The following SAMD4B variants were observed in gnomAD, a reference collection of about 807,000 sequenced individuals.
SAMD4B encodes sterile alpha motif domain containing 4B, also known as protein Smaug homolog 2.
Under a neutral mutation model 74.5 loss-of-function variants are expected in SAMD4B, and 5 were observed. That is an observed-to-expected ratio of 0.07 (90% CI 0.04 to 0.14). The LOEUF is 0.14. Ranked by LOEUF, SAMD4B falls within the 10% of genes least tolerant of loss-of-function variation. SAMD4B has a pLI of 1.00. For missense variants in SAMD4B, 608 were observed against 921.8 expected (o/e 0.66, Z 4.41); for synonymous variants, 373 against 374.9 (o/e 1.00, Z 0.06).
At chr19:39,359,575 C>T (rs1228704287) in intron 3 of SAMD4B, among the ~76,000 whole-genome samples, 1 of 152,198 alleles carries the variant, frequency 6.6e-6, no homozygotes, top group Non-Finnish European at 1.5e-5. Context: ...GTATTCAGCA[C>T]ATACGTCTGT....
At chr19:39,352,668 G>C (rs1350721196) in intron 1 of SAMD4B, among the ~76,000 whole-genome samples, 1 of 151,774 alleles carries the variant, frequency 6.6e-6, no homozygotes, top group Non-Finnish European at 1.5e-5. Flanking sequence ...CATCATGTTT[G>C]AGACCCTATT....
chr19:39,390,198 G>A (rs775582678), downstream of SAMD4B: 14 of 1,611,228 alleles, frequency 8.7e-6, no homozygotes, highest in East Asian at 8.9e-5. Context: ...GGCCCCCGCT[G>A]CCCCACCTCT....
chr19:39,363,152 C>T (rs2076752330), intron 3 of SAMD4B, among the ~76,000 whole-genome samples: 1 of 152,098 alleles, frequency 6.6e-6, no homozygotes, highest in Admixed American at 6.5e-5. Flanking sequence ...TTTGCCAGGA[C>T]CCAGGGTCAT....
chr19:39,365,209 G>A (rs561206336), intron 3 of SAMD4B, among the ~76,000 whole-genome samples: 9 of 142,656 alleles, frequency 6.3e-5, no homozygotes, highest in Non-Finnish European at 1.3e-4. Flanking sequence ...TCGTGCCACC[G>A]CACTCCAGCC....
At chr19:39,361,565 G>A (rs776666662) in intron 3 of SAMD4B, among the ~76,000 whole-genome samples, 2 of 147,220 alleles carry the variant, frequency 1.4e-5, no homozygotes. Context: ...GCAGTGAGCC[G>A]AGATTGCGCC....
downstream of SAMD4B, chr19:39,388,966 G>A: frequency 6.2e-7 from 1 of 1,614,128 alleles, no homozygotes; most frequent in Non-Finnish European, 8.5e-7. Flanking sequence ...TGGGAAGACA[G>A]GCATGACCTC....
At chr19:39,389,442 C>G (rs10422634), downstream of SAMD4B, 382 of 1,611,610 alleles carry the variant, frequency 2.4e-4, 1 homozygote, top group African/African-American at 4.3e-3. This position sits in a 1 kb window ranked among gnomAD's most constrained non-coding sequence, Gnocchi z 5.3. Flanking sequence ...TAGGGCCCAC[C>G]TGAGCCAGTC....
intron 12 of SAMD4B, among the ~76,000 whole-genome samples, chr19:39,382,374 A>G (rs2078047116): frequency 6.6e-6 from 1 of 152,186 alleles, no homozygotes; most frequent in Non-Finnish European, 1.5e-5. Context: ...CTGTATGTGT[A>G]AGGACGCTGA....
intron 1 of SAMD4B, among the ~76,000 whole-genome samples, chr19:39,343,131 C>T (rs1010583869): frequency 6.6e-6 from 1 of 151,928 alleles, no homozygotes; most frequent in Non-Finnish European, 1.5e-5. Context: ...CTCACGAGCC[C>T]TGCACACCTC....
At chr19:39,369,431 T>C in intron 3 of SAMD4B, 1 of 559,470 alleles carries the variant, frequency 1.8e-6, no homozygotes, top group Non-Finnish European at 3.2e-6. Flanking sequence ...CTGGGCAACA[T>C]AGTGAGACCC....
rs2077735099 is a variant in SAMD4B, at chr19:39,378,444, T to C, written c.1445-60T>C. 6.0e-6 allele frequency: 9 copies of C among 1,496,588 alleles called. No homozygotes were observed. Among genetic ancestry groups the C allele is most frequent in the Non-Finnish European group, 8.4e-6 (9 of 1,075,820 alleles). 92.7% of individuals were successfully genotyped at this position (1,496,588 alleles called of 1,614,324 possible). ...TCTTGTGCACGAGCCAGCTGGAGGC[T>C]GGAACATGGCAGAGGGCATACTAGG... On this transcript the variant is annotated intron_variant, in intron 8 of 13. Transcript: ENST00000610417. The surrounding 1 kb of genome is among the most constrained non-coding windows in gnomAD (Gnocchi z 4.4).
rs1181620599 is a variant in SAMD4B at position 39,383,232 on chromosome 19, T to G, written c.1997T>G (p.Leu666Arg). The change falls in exon 13 of 14, where the codon CTG (leucine) becomes CGG (arginine). Residue 666 changes from leucine to arginine, a missense_variant. Leu to Arg is a moderately radical substitution (Grantham distance 102). Transcript: ENST00000610417. This position sits in a 1 kb window ranked among gnomAD's most constrained non-coding sequence, Gnocchi z 4.1. Reference sequence around the variant, plus strand: ...GACTGCCCGGTTCCTGGGCCTGACCTGGAGATCAATCCCACTCTGGAGTCT... The same window carrying G: ...GACTGCCCGGTTCCTGGGCCTGACCGGGAGATCAATCCCACTCTGGAGTCT... ...PPDCPVPGPDLEINPTLESLC... is the reference protein window; with the variant it reads ...PPDCPVPGPDREINPTLESLC... 1.4e-5 allele frequency: 22 copies of G among 1,613,948 alleles called. No homozygotes were observed. The highest frequency in any genetic ancestry group is 1.8e-5 in the Non-Finnish European group (21 of 1,179,956).
rs2077735367 is a variant in SAMD4B, at chr19:39,378,445, G to A, written c.1445-59G>A. The A allele has an allele frequency of 1.3e-6, 2 of 1,501,728 alleles. No individual in the cohort carries two copies. Among genetic ancestry groups the A allele is most frequent in the East Asian group, 2.3e-5 (1 of 44,212 alleles). 93.0% of individuals were successfully genotyped at this position (1,501,728 alleles called of 1,614,324 possible). A position where few individuals can be genotyped will look rare whatever the true frequency, so the allele number is the denominator to read the frequency against. On this transcript the variant is annotated intron_variant, in intron 8 of 13. Transcript: ENST00000610417. The surrounding 1 kb of genome is among the most constrained non-coding windows in gnomAD (Gnocchi z 4.4). ...CTTGTGCACGAGCCAGCTGGAGGCT[G>A]GAACATGGCAGAGGGCATACTAGGG...
At chr19:39,386,806 G>T, downstream of SAMD4B, 2 of 1,603,776 alleles carry the variant, frequency 1.2e-6, no homozygotes, top group South Asian at 1.1e-5. The surrounding 1 kb of genome is among the most constrained non-coding windows in gnomAD (Gnocchi z 6.1). Context: ...GACCCTGCAG[G>T]GGGTGAATTT....
At chr19:39,357,198 A>C (rs1279228428) in intron 3 of SAMD4B, 109 bp downstream of exon 3, 2 of 943,946 alleles carry the variant, frequency 2.1e-6, no homozygotes, top group Non-Finnish European at 3.1e-6. Context: ...CGTGGGTTCT[A>C]GGCTTGGTGG....
rs754644208 is a variant in SAMD4B at position 39,370,109 on chromosome 19, G to T, written c.651G>T (p.Gly217=). The change falls in exon 4 of 14, where the codon GGG becomes GGT. Residue 217 remains glycine, a synonymous_variant. Transcript: ENST00000610417. ...SSVPPAINSI[G]SNANTGLPCQ... is the part of the protein sequence containing the mutation. The stretch of plus-strand genomic sequence containing the variant: ...TGCCGCCAGCCATCAACAGTATTGG[G>T]AGCAATGCAAACACAGGTAAGTGGC... 8 of 1,594,434 alleles carry T rather than the reference G, an allele frequency of 5.0e-6. No individual in the cohort carries two copies. The highest frequency in any genetic ancestry group is 1.1e-5 in the South Asian group (1 of 88,052).
In SAMD4B at chr19:39,378,192, C is replaced by T. The variant is rs2091735428; in HGVS notation, c.1445-312C>T. Among the ~76,000 whole-genome samples the T allele has an allele frequency of 6.6e-6, 1 of 152,146 alleles. No homozygotes were observed. Among genetic ancestry groups the T allele is most frequent in the Admixed American group, 6.5e-5 (1 of 15,282 alleles). ...AAATTTATCACAGCTTCAGCCTTTCCTAAAGCAGCATGATACAGCAGACTT... is the reference window on the plus strand; with the variant it reads ...AAATTTATCACAGCTTCAGCCTTTCTTAAAGCAGCATGATACAGCAGACTT... On this transcript the variant is annotated intron_variant, in intron 8 of 13. Transcript: ENST00000610417. The surrounding 1 kb of genome is among the most constrained non-coding windows in gnomAD (Gnocchi z 4.4).
intron 11 of SAMD4B, 73 bp downstream of exon 11, chr19:39,380,858 T>C: frequency 6.6e-7 from 1 of 1,511,020 alleles, no homozygotes; most frequent in South Asian, 1.3e-5. Context: ...TATTTGCCTG[T>C]ATACTCTGTG....
Position 39,378,528 on chromosome 19 carries a change from G to T in SAMD4B, c.1469G>T (p.Arg490Leu). 6.2e-7 allele frequency: 1 copy of T among 1,613,900 alleles called. No homozygotes were observed. Among genetic ancestry groups the T allele is most frequent in the Non-Finnish European group, 8.5e-7 (1 of 1,179,946 alleles). ...GTGTGCACCCAACTGCTGGTGTCCC[G>T]ACCAGACGAGGAGAACATCACCAGT... Reference protein sequence around the residue: ...GKVCTQLLVSRPDEENITSYL... With the variant: ...GKVCTQLLVSLPDEENITSYL... Residue 490 changes from arginine (R) to leucine (L), a missense_variant, in exon 9 of 14, where the codon CGA becomes CTA. Coordinates refer to ENST00000610417, the MANE Select transcript of SAMD4B (RefSeq NM_001384574.2). The surrounding 1 kb of genome is among the most constrained non-coding windows in gnomAD (Gnocchi z 4.4).
Sources: gnomAD v4.1 joint callset for allele counts (sites outside exome capture counted in the v4.1 genomes callset) on GRCh38, gnomAD v4.1.1 for gene constraint, Gnocchi (gnomAD v3.1) non-coding constraint, MANE v1.5 for transcripts, NCBI Gene and HGNC (gene_info 2026-07-23, HGNC 2026-07-21) for gene names.